The following PTPRN2 variants were observed in gnomAD, a reference collection of about 807,000 sequenced individuals.
PTPRN2 encodes receptor-type tyrosine-protein phosphatase N2.
PTPRN2 carries 74 observed loss-of-function variants against 118.8 expected under a neutral mutation model. The ratio of observed to expected loss-of-function variants is 0.62; its 90% CI spans 0.52 to 0.76. The LOEUF (loss-of-function observed/expected upper bound fraction) is 0.76, where lower values mean the gene tolerates loss of function less well. Among genes scored for constraint, PTPRN2 ranks in the 30% least tolerant of loss-of-function variants. The pLI is 0.00. For synonymous variants in PTPRN2, 641 were observed against 608.0 expected (o/e 1.05, Z -0.80); for missense variants, 1,481 against 1,394.4 (o/e 1.06, Z -0.99).
At chr7:158,037,291 T>A (rs891327245) in intron 11 of PTPRN2, among the ~76,000 whole-genome samples, 5 of 152,348 alleles carry the variant, frequency 3.3e-5, no homozygotes, top group Middle Eastern at 6.8e-3. Context: ...AGACCAAATG[T>A]CGTAAATACA....
At chr7:157,696,917 C>A (rs1370551592) in intron 12 of PTPRN2, among the ~76,000 whole-genome samples, 4 of 110,552 alleles carry the variant, frequency 3.6e-5, no homozygotes, top group Admixed American at 9.2e-5. Flanking sequence ...TGGGTCTTGG[C>A]AGAGCCCTCA....
In PTPRN2 at chr7:157,914,559, G is replaced by A. The variant is rs138769536; in HGVS notation, c.1724-15822C>T. ...TGGTGATAGAGTGTGCCTCTTCCCC[G>A]GCAATGGCTTTCCCAATAAAGTTGG... is the stretch of plus-strand genomic sequence containing the variant. On this transcript the variant is annotated intron_variant, in intron 11 of 22. Transcript: ENST00000389418. Among the ~76,000 whole-genome samples, 205 of 151,386 alleles carry A rather than the reference G, an allele frequency of 1.4e-3. 4 individuals are homozygous for A. The highest frequency in any genetic ancestry group is 0.012 in the East Asian group (63 of 5,122).
intron 1 of PTPRN2, among the ~76,000 whole-genome samples, chr7:158,507,803 G>A (rs1822871147): frequency 6.8e-6 from 1 of 147,770 alleles, no homozygotes. Flanking sequence ...AACAGCCTCT[G>A]CAACAGGCAG....
chr7:158,331,040 G>GCT (rs1563150999), intron 2 of PTPRN2, among the ~76,000 whole-genome samples: 9 of 143,192 alleles, frequency 6.3e-5, no homozygotes, highest in African/African-American at 1.3e-4. Context: ...CACCATAAGA[G>GCT]GTGACACCTG....
chr7:158,146,580 G>A (rs932796913), intron 6 of PTPRN2, among the ~76,000 whole-genome samples: 1 of 151,384 alleles, frequency 6.6e-6, no homozygotes, highest in Non-Finnish European at 1.5e-5. Context: ...AATTAGCCAG[G>A]CGTGGTGGCG....
chr7:157,984,677 C>G (rs1237736066), intron 11 of PTPRN2, among the ~76,000 whole-genome samples: 1 of 152,154 alleles, frequency 6.6e-6, no homozygotes, highest in African/African-American at 2.4e-5. Context: ...TCAGCAGCCA[C>G]GAGCTGACCA....
At chr7:157,543,821 T>C (rs1454023189) in intron 22 of PTPRN2, among the ~76,000 whole-genome samples, 1 of 152,194 alleles carries the variant, frequency 6.6e-6, no homozygotes, top group African/African-American at 2.4e-5. Flanking sequence ...CCTGTGTCTG[T>C]CACCTTCAGC....
rs1371443114 is a variant in PTPRN2 at position 157,794,456 on chromosome 7, C to T, written c.1788+104217G>A. Among the ~76,000 whole-genome samples, 1 of 152,194 alleles carries T rather than the reference C, an allele frequency of 6.6e-6. No individual in the cohort carries two copies. The highest frequency in any genetic ancestry group is 1.9e-4 in the East Asian group (1 of 5,198). On this transcript the variant is annotated intron_variant, in intron 12 of 22. Transcript: ENST00000389418. The surrounding 1 kb of genome is among the most constrained non-coding windows in gnomAD (Gnocchi z 5.2). ...CCCTCTGAAAGCCCATTGTGTCTGCCCCTATTCTTTGAAGCTTCACTGCTT... is the reference window on the plus strand; with the variant it reads ...CCCTCTGAAAGCCCATTGTGTCTGCTCCTATTCTTTGAAGCTTCACTGCTT...
intron 12 of PTPRN2, among the ~76,000 whole-genome samples, chr7:157,804,825 C>A (rs921344108): frequency 6.6e-6 from 1 of 152,242 alleles, no homozygotes; most frequent in Non-Finnish European, 1.5e-5. Flanking sequence ...CCCCTTCTCC[C>A]AGTCCTGCCT....
At chr7:158,124,940 G>C (rs1183835374) in intron 9 of PTPRN2, among the ~76,000 whole-genome samples, 1 of 152,236 alleles carries the variant, frequency 6.6e-6, no homozygotes, top group East Asian at 1.9e-4. Context: ...TGGTGCGCAA[G>C]AGAGAAGGCC....
intron 11 of PTPRN2, chr7:158,029,292 T>C (rs1480471499): frequency 1.3e-5 from 2 of 152,096 alleles, no homozygotes; most frequent in Non-Finnish European, 2.9e-5. Context: ...GGGGTTCATA[T>C]CCTGTCCTCT....
intron 11 of PTPRN2, among the ~76,000 whole-genome samples, chr7:158,005,971 A>C (rs1442573555): frequency 6.6e-6 from 1 of 152,252 alleles, no homozygotes; most frequent in African/African-American, 2.4e-5. Flanking sequence ...TTCTGCCTGC[A>C]TCTGAATTTC....
chr7:157,642,100 G>A (rs148993553), intron 14 of PTPRN2, among the ~76,000 whole-genome samples: 241 of 152,300 alleles, frequency 1.6e-3, no homozygotes, highest in African/African-American at 5.5e-3. Context: ...CGACACTCCC[G>A]TCAAGGACAG....
intron 2 of PTPRN2, among the ~76,000 whole-genome samples, chr7:158,375,480 C>A (rs1448963496): frequency 6.6e-6 from 1 of 152,224 alleles, no homozygotes; most frequent in Non-Finnish European, 1.5e-5. Context: ...CACAGCTGAA[C>A]ATTAAATCCA....
rs1462491934 is a variant in PTPRN2, at chr7:157,794,474, C to A, written c.1788+104199G>T. ...TGTCTGCCCCTATTCTTTGAAGCTT[C>A]ACTGCTTTCGGATAAGTATGAAAAT... On this transcript the variant is annotated intron_variant, in intron 12 of 22. Coordinates refer to ENST00000389418, the MANE Select transcript of PTPRN2 (RefSeq NM_002847.5). The surrounding 1 kb of genome is among the most constrained non-coding windows in gnomAD (Gnocchi z 5.2). 6.6e-6 allele frequency among the ~76,000 whole-genome samples: 1 copy of A among 152,218 alleles called. No individual in the cohort carries two copies. Among genetic ancestry groups the A allele is most frequent in the Non-Finnish European group, 1.5e-5 (1 of 68,040 alleles).
chr7:157,588,579 C>T (rs900961674), intron 17 of PTPRN2, among the ~76,000 whole-genome samples: 5 of 152,214 alleles, frequency 3.3e-5, no homozygotes, highest in South Asian at 2.1e-4. Flanking sequence ...CTTGCTTCCC[C>T]GTGGGGAAGT....
chr7:157,662,882 T>A (rs1483697394), intron 13 of PTPRN2, among the ~76,000 whole-genome samples: 1 of 152,188 alleles, frequency 6.6e-6, no homozygotes. Context: ...TTCTTGTGCA[T>A]GCAGGGTCTG....
chr7:158,318,928 G>A (rs1157850135), intron 2 of PTPRN2, among the ~76,000 whole-genome samples: 13 of 152,182 alleles, frequency 8.5e-5, no homozygotes, highest in Admixed American at 8.5e-4. Flanking sequence ...CCCTTCCCAG[G>A]CAACCTCATC....
rs977611494 is a variant in PTPRN2, at chr7:158,140,348, G to C, written c.911-1833C>G. Among the ~76,000 whole-genome samples, 9 of 152,212 alleles carry C rather than the reference G, an allele frequency of 5.9e-5. 1 individual carries two copies. Among genetic ancestry groups the C allele is most frequent in the Admixed American group, 5.2e-4 (8 of 15,284 alleles). ...ACATCTTCCGTATTACCCAGAAATT[G>C]GACTCGTAAGTATTTACCCGAGAGA... On this transcript the variant is annotated intron_variant, in intron 6 of 22. Transcript: ENST00000389418.
Sources: gnomAD v4.1 joint callset for allele counts (sites outside exome capture counted in the v4.1 genomes callset) on GRCh38, gnomAD v4.1.1 for gene constraint, Gnocchi (gnomAD v3.1) non-coding constraint, MANE v1.5 for transcripts, NCBI Gene and HGNC (gene_info 2026-07-23, HGNC 2026-07-21) for gene names.